CEP152: variants seen among roughly 807,000 people sequenced by gnomAD.
CEP152 encodes centrosomal protein of 152 kDa.
A neutral mutation model predicts 188.9 loss-of-function variants in CEP152; 132 were observed. The ratio of observed to expected loss-of-function variants is 0.70; its 90% CI spans 0.61 to 0.81. CEP152 has a LOEUF of 0.81. CEP152 is among the 30% of genes least tolerant of loss of function. CEP152 has a pLI of 0.00. For synonymous variants in CEP152, 649 were observed against 666.6 expected (o/e 0.97, Z 0.41); for missense variants, 1,914 against 1,969.8 (o/e 0.97, Z 0.54).
intron 6 of CEP152, 143 bp from the exon 7 acceptor site, chr15:48,793,604 A>G: frequency 1.3e-6 from 1 of 746,072 alleles, no homozygotes. Flanking sequence ...AGGATTAAAA[A>G]AGAGAGAGAG....
At chr15:48,735,169 C>A (rs1009922201), downstream of CEP152, among the ~76,000 whole-genome samples, 1 of 152,112 alleles carries the variant, frequency 6.6e-6, no homozygotes, top group African/African-American at 2.4e-5. Flanking sequence ...AGTATATTAT[C>A]TGAAAACAAG....
At chr15:48,788,780 C>G in intron 9 of CEP152, 21 bp downstream of exon 9, 1 of 1,605,382 alleles carries the variant, frequency 6.2e-7, no homozygotes, top group Non-Finnish European at 8.5e-7. Flanking sequence ...ATAACAGTTG[C>G]TCATTTGAAA....
intron 2 of CEP152, among the ~76,000 whole-genome samples, chr15:48,804,586 A>G (rs1897865516): frequency 6.6e-6 from 1 of 152,234 alleles, no homozygotes; most frequent in Admixed American, 6.5e-5. Context: ...CAATAACACT[A>G]TTACTGCTGC....
Position 48,748,540 on chromosome 15 carries a change from C to G in CEP152, c.3537G>C (p.Lys1179Asn), listed in dbSNP as rs146078987. The G allele has an allele frequency of 3.3e-4, 505 of 1,534,526 alleles. 3 individuals are homozygous for G. The African/African-American group carries it at 6.2e-3, about 19-fold the overall frequency. The change falls in exon 22 of 27, where the codon AAG (lysine) becomes AAC (asparagine). Residue 1179 changes from lysine (K) to asparagine (N), a missense_variant. Coordinates refer to ENST00000380950, the MANE Select transcript of CEP152 (RefSeq NM_001194998.2). The part of the protein sequence containing the change: ...GHCFQELEKA[K>N]QECQDLKGKL... ...TTCCTTTCAGATCTTGACATTCCTG[C>G]TTTGCCTTTTCAAGTTCTTGGAAGC...
chr15:48,774,010 T>C (rs1352297799), intron 12 of CEP152, among the ~76,000 whole-genome samples: 1 of 152,112 alleles, frequency 6.6e-6, no homozygotes. Context: ...TCATATGTTC[T>C]AGAAGGTTAA....
chr15:48,791,608 G>A (rs1259177173), intron 7 of CEP152, among the ~76,000 whole-genome samples: 2 of 152,082 alleles, frequency 1.3e-5, no homozygotes, highest in Non-Finnish European at 1.5e-5. Flanking sequence ...GAGTACAGTG[G>A]TATAATCTTG....
intron 8 of CEP152, 38 bp downstream of exon 8, chr15:48,791,198 CT>C (rs1249463922): frequency 6.3e-7 from 1 of 1,577,016 alleles, no homozygotes; most frequent in Non-Finnish European, 8.6e-7. Flanking sequence ...AATAACTAAA[CT>C]TTTAATTTTT....
At chr15:48,782,436 T>C (rs1896316669) in intron 10 of CEP152, among the ~76,000 whole-genome samples, 1 of 152,200 alleles carries the variant, frequency 6.6e-6, no homozygotes, top group Non-Finnish European at 1.5e-5. Flanking sequence ...GCATCCCATA[T>C]GACCTTGGGC....
chr15:48,796,282 A>T, intron 5 of CEP152, 122 bp from the exon 6 acceptor site: 1 of 731,228 alleles, frequency 1.4e-6, no homozygotes, highest in Non-Finnish European at 2.2e-6. Flanking sequence ...AAAGTTGTTT[A>T]TATATATACA....
chr15:48,745,373 C>T (rs558590215), intron 22 of CEP152, among the ~76,000 whole-genome samples: 2 of 151,868 alleles, frequency 1.3e-5, no homozygotes, highest in South Asian at 2.1e-4. Flanking sequence ...ACATGCACCT[C>T]GATATAAAAC....
chr15:48,808,051 A>C (rs1898099027), intron 1 of CEP152, among the ~76,000 whole-genome samples: 1 of 152,118 alleles, frequency 6.6e-6, no homozygotes, highest in Non-Finnish European at 1.5e-5. Flanking sequence ...CAGAACTATA[A>C]ACTATAAAAG....
At chr15:48,782,080 G>T (rs757876823) in intron 11 of CEP152, 59 bp downstream of exon 11, 2 of 1,453,182 alleles carry the variant, frequency 1.4e-6, no homozygotes, top group African/African-American at 1.4e-5. Flanking sequence ...TCAAAAAGGT[G>T]ATGTAACTAC....
Position 48,741,637 on chromosome 15 carries a change from T to C in CEP152, c.4057A>G (p.Ile1353Val). The C allele has an allele frequency of 1.2e-6, 2 of 1,614,154 alleles. No homozygotes were observed. The highest frequency in any genetic ancestry group is 1.7e-5 in the Admixed American group (1 of 60,024). Residue 1353 changes from isoleucine (I) to valine (V), a missense_variant, in exon 26 of 27, where the codon ATT (isoleucine) becomes GTT (valine). By Grantham distance (29) the Ile-to-Val change is conservative. Coordinates refer to ENST00000380950, the MANE Select transcript of CEP152 (RefSeq NM_001194998.2). Reference sequence around the variant, plus strand: ...GTTTTGCTTTGGGACTTACTAGAAATAGGTGTTTCCAGTAATTTTGCCATT... The same window carrying C: ...GTTTTGCTTTGGGACTTACTAGAAACAGGTGTTTCCAGTAATTTTGCCATT... ...ATMAKLLETP[I>V]SSKSQSKTTQ...
intron 7 of CEP152, among the ~76,000 whole-genome samples, chr15:48,791,935 G>C (rs1181996769): frequency 6.6e-6 from 1 of 151,988 alleles, no homozygotes; most frequent in African/African-American, 2.4e-5. Context: ...TCCCTTTTGG[G>C]GACAAATCCC....
rs1264617378 is a variant in CEP152 at position 48,742,046 on chromosome 15, T to C, written c.3890A>G (p.Lys1297Arg). ...TTGACGTTCTCGCAGTACCTCTGCT[T>C]TTACCATTTCTGCAGCTCGTTCCTT... ...ESKERAAEMV[K>R]AEVLRERQET... Residue 1297 changes from lysine (K) to arginine (R), a missense_variant, in exon 25 of 27, where the codon AAA becomes AGA. By Grantham distance (26) the Lys-to-Arg change is conservative (BLOSUM62 2). Coordinates refer to ENST00000380950, the MANE Select transcript of CEP152 (RefSeq NM_001194998.2). 6.2e-7 allele frequency: 1 copy of C among 1,614,140 alleles called. No individual in the cohort carries two copies. The highest frequency in any genetic ancestry group is 8.5e-7 in the Non-Finnish European group (1 of 1,180,010).
chr15:48,741,580 T>C, intron 26 of CEP152, 21 bp downstream of exon 26: 1 of 1,614,092 alleles, frequency 6.2e-7, no homozygotes, highest in East Asian at 2.2e-5. Flanking sequence ...AAAAACCATT[T>C]GGCGACTCAC....
chr15:48,774,793 A>T (rs1114203), intron 12 of CEP152, among the ~76,000 whole-genome samples: 47,598 of 151,994 alleles, frequency 0.31, 10,010 homozygotes, highest in East Asian at 0.63. Flanking sequence ...ATGTGGCCAA[A>T]TCTTAAAAGA....
rs1897118702 is a variant in CEP152 at position 48,793,592 on chromosome 15, C to T, written c.692-131G>A. ...ATGAAATCAATTCAGTGAATTGTGA[C>T]TAGGATTAAAAAAGAGAGAGAGAAT... On this transcript the variant is annotated intron_variant, in intron 6 of 26. Coordinates refer to ENST00000380950, the MANE Select transcript of CEP152 (RefSeq NM_001194998.2). 4.5e-5 allele frequency: 35 copies of T among 777,508 alleles called. No individual in the cohort carries two copies. The East Asian group carries it at 9.2e-4, about 20-fold the overall frequency. 48.2% of individuals were successfully genotyped at this position (777,508 alleles called of 1,614,324 possible).
In CEP152 at chr15:48,768,909, T is replaced by C. The variant is rs768762542; in HGVS notation, c.1908+47A>G. On this transcript the variant is annotated intron_variant, in intron 14 of 26. Transcript: ENST00000380950. ...ACTCTATTATATCCTTTGTATTTAA[T>C]GAGGAAATAAAAATTCTCATAAAAT... 7.5e-6 allele frequency: 10 copies of C among 1,330,562 alleles called. No homozygotes were observed. In the South Asian group the frequency reaches 9.3e-5, roughly 12 times the overall value. The allele number at this position is 1,330,562 out of a possible 1,614,324, so 82.4% of individuals were successfully genotyped here. A position where few individuals can be genotyped will look rare whatever the true frequency, so the allele number is the denominator to read the frequency against.
Sources: allele counts gnomAD v4.1 joint callset (sites outside exome capture counted in the v4.1 genomes callset), GRCh38; gene constraint gnomAD v4.1.1; transcripts MANE v1.5; gene names NCBI Gene and HGNC (gene_info 2026-07-23, HGNC 2026-07-21).